UBA6: variants seen among roughly 807,000 people sequenced by gnomAD.
UBA6 encodes ubiquitin-like modifier-activating enzyme 6.
In UBA6, 87 loss-of-function variants were observed where a neutral mutation model predicts 148.3. The observed-to-expected ratio is 0.59, with a 90% CI of 0.49 to 0.70. The LOEUF is 0.70. Ranked by LOEUF, UBA6 falls within the 30% of genes least tolerant of loss-of-function variation. UBA6 has a pLI of 0.00. For synonymous variants in UBA6, 376 were observed against 401.0 expected, an observed-to-expected ratio of 0.94 and a Z score of 0.75; for missense variants, 1,186 against 1,241.2, an observed-to-expected ratio of 0.96 and a Z score of 0.67.
chr4:67,627,180 T>A (rs1478764785), intron 27 of UBA6, among the ~76,000 whole-genome samples: 1 of 151,952 alleles, frequency 6.6e-6, no homozygotes, highest in Non-Finnish European at 1.5e-5. Context: ...AGCTTCATTA[T>A]CATGAAGTAA....
At position 67,655,071 on chromosome 4, in the gene UBA6, G is replaced by A. The variant is rs543392724; in HGVS notation, c.1105-5860C>T. On this transcript the variant is annotated intron_variant, in intron 13 of 32. Transcript: ENST00000322244. ...GTCCGTAGAGACCTACAAAGACTTA[G>A]ACTCCCACACAATAATAATGGGAGA... Among the ~76,000 whole-genome samples the A allele has an allele frequency of 3.3e-5, 5 of 152,236 alleles. 1 individual carries two copies. The South Asian group carries it at 8.3e-4, about 25-fold the overall frequency.
chr4:67,670,322 A>C lies in UBA6; in HGVS notation c.669+148T>G, dbSNP rs1420220683. The C allele has an allele frequency of 3.1e-6, 2 of 647,178 alleles. 1 individual carries two copies. Among genetic ancestry groups the C allele is most frequent in the South Asian group, 4.2e-5 (2 of 48,088 alleles). The allele number at this position is 647,178 out of a possible 1,614,324, so 40.1% of individuals were successfully genotyped here. ...CCAGTTTTAATACAATGCAGTCAAGAAATTAGCTACATATTCCCTCATTAT... is the reference window on the plus strand; with the variant it reads ...CCAGTTTTAATACAATGCAGTCAAGCAATTAGCTACATATTCCCTCATTAT... On this transcript the variant is annotated intron_variant, in intron 8 of 32. Transcript: ENST00000322244.
intron 13 of UBA6, among the ~76,000 whole-genome samples, chr4:67,652,905 A>G (rs1223940582): frequency 6.6e-6 from 1 of 152,352 alleles, no homozygotes; most frequent in South Asian, 2.1e-4. Context: ...TCCCACGCCC[A>G]TGGAGCCTTG....
At chr4:67,658,962 C>A (rs1432817766) in intron 13 of UBA6, among the ~76,000 whole-genome samples, 1 of 152,158 alleles carries the variant, frequency 6.6e-6, no homozygotes, top group Non-Finnish European at 1.5e-5. Flanking sequence ...TAACTGCGTA[C>A]ATCTGAATTG....
intron 13 of UBA6, among the ~76,000 whole-genome samples, chr4:67,658,524 G>T (rs57101483): frequency 0.23 from 34,894 of 151,950 alleles, 4,163 homozygotes; most frequent in Middle Eastern, 0.3. Context: ...ACACTGAGGG[G>T]AACAACACGC....
chr4:67,634,592 G>T, intron 20 of UBA6, 74 bp from the exon 21 acceptor site: 1 of 1,114,028 alleles, frequency 9.0e-7, no homozygotes, highest in Non-Finnish European at 1.3e-6. Context: ...ATCTAGTTTT[G>T]AGCTTTAAGC....
chr4:67,648,791 CA>C (rs1178116868), intron 14 of UBA6, among the ~76,000 whole-genome samples: 5 of 152,034 alleles, frequency 3.3e-5, no homozygotes, highest in African/African-American at 9.7e-5. Context: ...TACTGGAGAA[CA>C]ATTACCTATA....
intron 10 of UBA6, 94 bp from the exon 11 acceptor site, chr4:67,664,041 C>T: frequency 1.0e-6 from 1 of 969,256 alleles, no homozygotes; most frequent in Non-Finnish European, 1.6e-6. Flanking sequence ...AACTAGGGAA[C>T]TCTCCCAAGG....
intron 30 of UBA6, 72 bp downstream of exon 30, chr4:67,624,054 T>G: frequency 7.6e-7 from 1 of 1,322,164 alleles, no homozygotes; most frequent in Non-Finnish European, 1.0e-6. Flanking sequence ...GAAGCTAGTA[T>G]TTTTCCCTTT....
At chr4:67,645,111 A>C (rs573160415) in intron 16 of UBA6, among the ~76,000 whole-genome samples, 1 of 152,322 alleles carries the variant, frequency 6.6e-6, no homozygotes, top group East Asian at 1.9e-4. Flanking sequence ...ATTATCTAAA[A>C]TTGATAATAC....
At chr4:67,699,732 G>A (rs1171907534) in intron 1 of UBA6, among the ~76,000 whole-genome samples, 1 of 152,098 alleles carries the variant, frequency 6.6e-6, no homozygotes, top group East Asian at 1.9e-4. Flanking sequence ...CTCCCGAGTA[G>A]CTGGGACTAC....
At chr4:67,680,587 A>G (rs1730408837) in intron 4 of UBA6, among the ~76,000 whole-genome samples, 1 of 152,210 alleles carries the variant, frequency 6.6e-6, no homozygotes, top group African/African-American at 2.4e-5. Flanking sequence ...AAATGTCTTA[A>G]GACATTTGGG....
chr4:67,631,580 A>C, intron 25 of UBA6, 128 bp downstream of exon 25: 1 of 710,968 alleles, frequency 1.4e-6, no homozygotes, highest in East Asian at 2.8e-5. Flanking sequence ...GTTAACTCTT[A>C]AATGAACAGG....
intron 13 of UBA6, among the ~76,000 whole-genome samples, chr4:67,650,916 G>T (rs1729540253): frequency 6.6e-6 from 1 of 151,896 alleles, no homozygotes; most frequent in East Asian, 1.9e-4. Flanking sequence ...TTAAGAGTTT[G>T]GTAAAAATCA....
intron 31 of UBA6, 65 bp from the exon 32 acceptor site, chr4:67,622,990 C>G (rs1055169192): frequency 1.5e-5 from 21 of 1,430,940 alleles, no homozygotes; most frequent in Non-Finnish European, 1.7e-5. Flanking sequence ...GCTTATTTAA[C>G]ATTGTTCGTA....
At chr4:67,639,154 T>A (rs780429215) in intron 18 of UBA6, 30 bp from the exon 19 acceptor site, 61 of 1,549,338 alleles carry the variant, frequency 3.9e-5, no homozygotes, top group Middle Eastern at 1.8e-4. Context: ...AGAAGGAATA[T>A]GTTAAACAAC....
chr4:67,671,961 C>G lies in UBA6; in HGVS notation c.547-1369G>C, dbSNP rs537028181. On this transcript the variant is annotated intron_variant, in intron 7 of 32. Transcript: ENST00000322244. ...TTTACAACTCACACTCATCTATCTA[C>G]AAGTTCTGTTAGGCCCCCACCCCAC... Among the ~76,000 whole-genome samples the G allele has an allele frequency of 1.1e-4, 16 of 152,208 alleles. 1 individual carries two copies. In the East Asian group the frequency reaches 3.1e-3, roughly 29 times the overall value.
chr4:67,683,213 A>G (rs1385657376), intron 2 of UBA6, among the ~76,000 whole-genome samples: 1 of 152,240 alleles, frequency 6.6e-6, no homozygotes, highest in East Asian at 1.9e-4. Context: ...AGTATGTACG[A>G]AAGTTCTTAT....
chr4:67,698,856 AGG>A (rs796570996), intron 1 of UBA6, among the ~76,000 whole-genome samples: 95 of 152,196 alleles, frequency 6.2e-4, no homozygotes, highest in African/African-American at 2.2e-3. Context: ...GCTACTTGGG[AGG>A]CTGAGGTGGG....
Sources: allele counts gnomAD v4.1 joint callset (sites outside exome capture counted in the v4.1 genomes callset), GRCh38; gene constraint gnomAD v4.1.1; transcripts MANE v1.5; gene names NCBI Gene and HGNC (gene_info 2026-07-23, HGNC 2026-07-21).